Variants in HSD17B4 observed in about 807,000 individuals in gnomAD.
The protein encoded by HSD17B4 is hydroxysteroid 17-beta dehydrogenase 4.
In HSD17B4, 70 loss-of-function variants were observed where a neutral mutation model predicts 101.0. The observed-to-expected ratio is 0.69, with a 90% CI of 0.57 to 0.85. The LOEUF is 0.85. Among genes scored for constraint, HSD17B4 ranks in the 40% least tolerant of loss-of-function variants. The probability of loss-of-function intolerance (pLI) is 0.00; values close to 1 mark genes in which losing one functional copy is unlikely to be tolerated. For synonymous variants in HSD17B4, 347 were observed against 297.1 expected, an observed-to-expected ratio of 1.17 and a Z score of -1.73; for missense variants, 984 against 892.4, an observed-to-expected ratio of 1.10 and a Z score of -1.31.
chr5:119,472,969 A>T (rs564335433), intron 2 of HSD17B4, among the ~76,000 whole-genome samples: 17 of 152,334 alleles, frequency 1.1e-4, no homozygotes, highest in African/African-American at 3.8e-4. Flanking sequence ...TTCTTTTTAA[A>T]TGCAGAATTA....
chr5:119,452,789 G>T (rs1259592938), intron 1 of HSD17B4, 156 bp downstream of exon 1: 1 of 1,544,116 alleles, frequency 6.5e-7, no homozygotes, highest in African/African-American at 1.4e-5. Flanking sequence ...TCTTGAGGAG[G>T]AAAGAGCCGG....
At chr5:119,454,230 G>C (rs763530103) in intron 1 of HSD17B4, among the ~76,000 whole-genome samples, 1 of 152,076 alleles carries the variant, frequency 6.6e-6, no homozygotes, top group Non-Finnish European at 1.5e-5. Context: ...AATGAGTTGT[G>C]ACTAGACAGT....
At chr5:119,514,241 GA>G (rs1356253734) in intron 16 of HSD17B4, among the ~76,000 whole-genome samples, 1 of 152,116 alleles carries the variant, frequency 6.6e-6, no homozygotes, top group Non-Finnish European at 1.5e-5. Context: ...GGTTTGTGAG[GA>G]TAAGTTTGGG....
intron 1 of HSD17B4, among the ~76,000 whole-genome samples, chr5:119,455,931 GA>G (rs1270128736): frequency 1.3e-5 from 2 of 152,074 alleles, no homozygotes; most frequent in Non-Finnish European, 2.9e-5. Flanking sequence ...GTCAGTTTCT[GA>G]ATACCTAGGA....
chr5:119,529,852 T>C (rs529008395), intron 20 of HSD17B4, 42 bp from the exon 21 acceptor site: 13 of 1,139,538 alleles, frequency 1.1e-5, no homozygotes, highest in Non-Finnish European at 1.7e-5. Context: ...TACACTTCCA[T>C]TGTAATCAGA....
At chr5:119,533,377 G>T (rs1754281797) in intron 22 of HSD17B4, among the ~76,000 whole-genome samples, 1 of 151,544 alleles carries the variant, frequency 6.6e-6, no homozygotes, top group Non-Finnish European at 1.5e-5. Context: ...AACAAAGGTT[G>T]TTGCATTGCA....
At chr5:119,514,282 G>GA (rs1377461903) in intron 16 of HSD17B4, among the ~76,000 whole-genome samples, 3 of 152,056 alleles carry the variant, frequency 2.0e-5, no homozygotes, top group Non-Finnish European at 2.9e-5. Flanking sequence ...TTTTAGTAAT[G>GA]AAAAATCACT....
At chr5:119,468,600 A>G (rs1472913526) in intron 2 of HSD17B4, among the ~76,000 whole-genome samples, 2 of 152,020 alleles carry the variant, frequency 1.3e-5, no homozygotes, top group African/African-American at 4.8e-5. Context: ...TGGAGAGGAC[A>G]TTTTTGGGTT....
intron 11 of HSD17B4, among the ~76,000 whole-genome samples, chr5:119,494,868 T>A (rs1750486402): frequency 6.6e-6 from 1 of 152,118 alleles, no homozygotes; most frequent in Non-Finnish European, 1.5e-5. Flanking sequence ...CAAATAAAAG[T>A]CAGATTATTT....
intron 20 of HSD17B4, among the ~76,000 whole-genome samples, chr5:119,527,914 C>T (rs932711958): frequency 2.0e-5 from 3 of 152,018 alleles, no homozygotes; most frequent in Admixed American, 6.6e-5. Flanking sequence ...TAGCAATGCT[C>T]CAGTAAAATA....
chr5:119,486,911 T>C (rs922311332), intron 8 of HSD17B4, among the ~76,000 whole-genome samples: 1 of 152,168 alleles, frequency 6.6e-6, no homozygotes, highest in Non-Finnish European at 1.5e-5. Flanking sequence ...CTTTTACTCA[T>C]AGTGGCTTCC....
intron 19 of HSD17B4, among the ~76,000 whole-genome samples, chr5:119,526,246 A>G (rs1265813302): frequency 6.6e-6 from 1 of 151,418 alleles, no homozygotes; most frequent in Non-Finnish European, 1.5e-5. Context: ...TTGACAGATT[A>G]ACTGGGTTGC....
At chr5:119,517,228 A>G (rs1752702704) in intron 17 of HSD17B4, among the ~76,000 whole-genome samples, 1 of 152,154 alleles carries the variant, frequency 6.6e-6, no homozygotes, top group African/African-American at 2.4e-5. Flanking sequence ...GGCCCCGGGC[A>G]ATGAGGGGCT....
chr5:119,462,092 C>T (rs1329765940), intron 2 of HSD17B4, among the ~76,000 whole-genome samples: 2 of 151,970 alleles, frequency 1.3e-5, no homozygotes, highest in Non-Finnish European at 1.5e-5. Flanking sequence ...GGAAAATGTA[C>T]AAATGTATCA....
rs748991883 is a variant in HSD17B4 at position 119,452,565 on chromosome 5, A to T, written c.-11A>T. 1.9e-6 allele frequency: 3 copies of T among 1,613,802 alleles called. No homozygotes were observed. The African/African-American group carries it at 4.0e-5, about 22-fold the overall frequency. ...TGCTTGTTCGTGTGTGTGTCGTTGC[A>T]GGCCTTATTCATGGGCTCACCGCTG... On this transcript the variant is annotated 5_prime_UTR_variant, in exon 1 of 24. Transcript: ENST00000510025.
rs1351858591 is a variant in HSD17B4 at position 119,509,228 on chromosome 5, C to T, written c.1421C>T (p.Thr474Ile). ...TCTGGAGGCTTTGGTGGAAAACGGA[C>T]ATCAGACAAAGTCAAGGTAAGCCAT... ...VGSGGFGGKR[T>I]SDKVKVAVAI... Residue 474 changes from threonine (T) to isoleucine (I), a missense_variant, in exon 16 of 24, where the codon ACA (threonine) becomes ATA (isoleucine). By Grantham distance (89) the Thr-to-Ile change is moderately conservative. Transcript: ENST00000510025. The T allele has an allele frequency of 7.5e-6, 12 of 1,599,802 alleles. No homozygotes were observed. Among genetic ancestry groups the T allele is most frequent in the African/African-American group, 2.7e-5 (2 of 74,606 alleles).
intron 2 of HSD17B4, among the ~76,000 whole-genome samples, chr5:119,459,696 A>C (rs528245785): frequency 6.6e-6 from 1 of 152,256 alleles, no homozygotes; most frequent in Admixed American, 6.5e-5. Context: ...GTCACAGGGC[A>C]AGAGGCTGAG....
rs572395064 is a variant in HSD17B4, at chr5:119,530,929, T to G, written c.1855-337T>G. Among the ~76,000 whole-genome samples, 22 of 151,032 alleles carry G rather than the reference T, an allele frequency of 1.5e-4. No homozygotes were observed. In the East Asian group the frequency reaches 4.1e-3, roughly 28 times the overall value. On this transcript the variant is annotated intron_variant, in intron 21 of 23. Transcript: ENST00000510025. The stretch of plus-strand genomic sequence containing the variant: ...TAAAGAAATTCAGACTTCATGTAAT[T>G]TAGTATTATTTTATAAATAAAAAAA...
At chr5:119,515,184 A>C (rs1752508579) in intron 17 of HSD17B4, 138 bp downstream of exon 17, 1 of 614,834 alleles carries the variant, frequency 1.6e-6, no homozygotes, top group African/African-American at 1.8e-5. Flanking sequence ...AAACATACAG[A>C]CATGTTTCCT....
Sources: allele counts gnomAD v4.1 joint callset (sites outside exome capture counted in the v4.1 genomes callset), GRCh38; gene constraint gnomAD v4.1.1; transcripts MANE v1.5; gene names NCBI Gene and HGNC (gene_info 2026-07-23, HGNC 2026-07-21).